Variants in PPP1R7 observed in about 807,000 individuals in gnomAD.
PPP1R7 encodes protein phosphatase 1 regulatory subunit 7, also known as protein phosphatase 1 regulatory subunit 22.
Under a neutral mutation model 45.2 loss-of-function variants are expected in PPP1R7, and 18 were observed. That is an observed-to-expected ratio of 0.40 (90% CI 0.28 to 0.59). The LOEUF is 0.59. PPP1R7 is among the 20% of genes least tolerant of loss of function. The probability of loss-of-function intolerance (pLI) is 0.46; values close to 1 mark genes in which losing one functional copy is unlikely to be tolerated. For synonymous variants in PPP1R7, 181 were observed against 183.4 expected, an observed-to-expected ratio of 0.99 and a Z score of 0.11; for missense variants, 314 against 455.8, an observed-to-expected ratio of 0.69 and a Z score of 2.83.
intron 2 of PPP1R7, among the ~76,000 whole-genome samples, chr2:241,156,970 G>A (rs2067474170): frequency 1.3e-5 from 2 of 152,168 alleles, no homozygotes; most frequent in South Asian, 4.1e-4. Context: ...GTGCATGCGT[G>A]TGTGTGTGCA....
rs2067636599 is a variant in PPP1R7 at position 241,163,355 on chromosome 2, T to C, written c.668T>C (p.Leu223Pro). 2 of 1,613,818 alleles carry C rather than the reference T, an allele frequency of 1.2e-6. No homozygotes were observed. Reference protein sequence around the residue: ...LFLGKNKITKLQNLDALTNLT... With the variant: ...LFLGKNKITKPQNLDALTNLT... ...TTGGGGAAAAACAAAATTACTAAAC[T>C]TCAGAACCTGGATGCGCTCACCAAC... is the stretch of plus-strand genomic sequence containing the variant. Residue 223 changes from leucine (L) to proline (P), a missense_variant, in exon 7 of 10, where the codon CTT (leucine) becomes CCT (proline). Transcript: ENST00000234038.
chr2:241,177,131 T>C (rs1246067339), intron 9 of PPP1R7, among the ~76,000 whole-genome samples: 1 of 152,206 alleles, frequency 6.6e-6, no homozygotes, highest in Non-Finnish European at 1.5e-5. Context: ...CTGGAGAGGC[T>C]GAGACAGGAG....
intron 5 of PPP1R7, 129 bp downstream of exon 5, chr2:241,159,472 C>T: frequency 8.4e-7 from 1 of 1,195,262 alleles, no homozygotes; most frequent in South Asian, 1.6e-5. Flanking sequence ...AGGGTCCTGC[C>T]CTGCATCTGA....
intron 9 of PPP1R7, among the ~76,000 whole-genome samples, chr2:241,178,816 C>T (rs1437315836): frequency 6.9e-6 from 1 of 145,306 alleles, no homozygotes; most frequent in African/African-American, 2.6e-5. Context: ...CTCACCATCC[C>T]CACGGACGGC....
Position 241,157,796 on chromosome 2 carries a change from T to C in PPP1R7, c.182-11T>C. The C allele has an allele frequency of 6.2e-7, 1 of 1,612,430 alleles. No individual in the cohort carries two copies. Among genetic ancestry groups the C allele is most frequent in the Non-Finnish European group, 8.5e-7 (1 of 1,178,506 alleles). On this transcript the variant is annotated splice_polypyrimidine_tract_variant and intron_variant, in intron 2 of 9. Coordinates refer to ENST00000234038, the MANE Select transcript of PPP1R7 (RefSeq NM_002712.3). The stretch of plus-strand genomic sequence containing the variant: ...GGGTTCTGAACAAATCTCTTTTTCT[T>C]ATTTTTTCAGAAGAACATGAGCTGC...
chr2:241,169,902 T>C (rs765283082), intron 9 of PPP1R7, 35 bp downstream of exon 9: 1 of 1,480,348 alleles, frequency 6.8e-7, no homozygotes, highest in South Asian at 1.1e-5. Flanking sequence ...GATGACACTT[T>C]GACTAAACTG....
intron 8 of PPP1R7, among the ~76,000 whole-genome samples, chr2:241,169,336 T>C (rs1420309822): frequency 1.3e-5 from 2 of 152,248 alleles, no homozygotes; most frequent in Non-Finnish European, 2.9e-5. Flanking sequence ...CATCCCTAAA[T>C]GAAGAGAGGA....
intron 7 of PPP1R7, among the ~76,000 whole-genome samples, chr2:241,165,108 C>T (rs10174449): frequency 1.3e-5 from 2 of 152,108 alleles, no homozygotes; most frequent in Admixed American, 1.3e-4. Context: ...AATTTTTACA[C>T]TTTAAAATTA....
At chr2:241,164,377 CT>C (rs1392768500) in intron 7 of PPP1R7, among the ~76,000 whole-genome samples, 2 of 152,216 alleles carry the variant, frequency 1.3e-5, no homozygotes, top group African/African-American at 2.4e-5. Flanking sequence ...CCCTGTTAGA[CT>C]TCTGCATTTG....
chr2:241,179,182 G>C (rs963986243), intron 9 of PPP1R7, among the ~76,000 whole-genome samples: 1 of 152,156 alleles, frequency 6.6e-6, no homozygotes, highest in Non-Finnish European at 1.5e-5. Flanking sequence ...CCGTTGGTTC[G>C]GGCAAGGGAT....
intron 9 of PPP1R7, among the ~76,000 whole-genome samples, chr2:241,175,183 CATAAA>C (rs1210659179): frequency 6.6e-6 from 1 of 152,168 alleles, no homozygotes; most frequent in Non-Finnish European, 1.5e-5. Flanking sequence ...GTAAAACATG[CATAAA>C]ATAAAACTCA....
At chr2:241,153,809 A>G (rs1203516081) in intron 2 of PPP1R7, among the ~76,000 whole-genome samples, 2 of 152,180 alleles carry the variant, frequency 1.3e-5, no homozygotes, top group African/African-American at 2.4e-5. Context: ...GTTTGCAAAA[A>G]GGATGTGGTT....
chr2:241,151,627 C>T, intron 1 of PPP1R7: 1 of 457,938 alleles, frequency 2.2e-6, no homozygotes, highest in Non-Finnish European at 4.6e-6. Flanking sequence ...GGACTTCATA[C>T]CCTTTGAGTC....
intron 2 of PPP1R7, among the ~76,000 whole-genome samples, chr2:241,154,179 C>CAAAAAAA (rs1167747738): frequency 4.0e-5 from 2 of 50,478 alleles, no homozygotes; most frequent in Admixed American, 4.9e-4. Flanking sequence ...TACTCCTTCT[C>CAAAAAAA]AAAAAAAAAA....
chr2:241,180,750 G>T (rs1374458805), intron 9 of PPP1R7, among the ~76,000 whole-genome samples: 2 of 140,884 alleles, frequency 1.4e-5, no homozygotes, highest in Non-Finnish European at 2.9e-5. Context: ...CCACATGGAG[G>T]CACTGGTCGG....
intron 9 of PPP1R7, among the ~76,000 whole-genome samples, chr2:241,178,111 G>A (rs913038670): frequency 2.0e-5 from 3 of 152,246 alleles, no homozygotes; most frequent in African/African-American, 7.2e-5. Flanking sequence ...GTCTGGGTGT[G>A]AGCTGCAAGG....
chr2:241,151,199 C>T (rs1424611057), intron 1 of PPP1R7, among the ~76,000 whole-genome samples: 1 of 152,234 alleles, frequency 6.6e-6, no homozygotes, highest in Non-Finnish European at 1.5e-5. Flanking sequence ...CAGTCATATA[C>T]GTGCACGTAC....
intron 9 of PPP1R7, 30 bp downstream of exon 9, chr2:241,169,897 C>T (rs1322133258): frequency 6.6e-7 from 1 of 1,507,318 alleles, no homozygotes; most frequent in Non-Finnish European, 9.2e-7. Context: ...GGGTTGATGA[C>T]ACTTTGACTA....
chr2:241,178,390 A>G (rs1202368069), intron 9 of PPP1R7, among the ~76,000 whole-genome samples: 2 of 151,716 alleles, frequency 1.3e-5, no homozygotes, highest in Non-Finnish European at 2.9e-5. Flanking sequence ...AGATTCTATC[A>G]ATGAATGATA....
Sources: gnomAD v4.1 joint callset for allele counts (sites outside exome capture counted in the v4.1 genomes callset) on GRCh38, gnomAD v4.1.1 for gene constraint, MANE v1.5 for transcripts, NCBI Gene and HGNC (gene_info 2026-07-23, HGNC 2026-07-21) for gene names.